FXYD6: variants seen among roughly 807,000 people sequenced by gnomAD.
The protein encoded by FXYD6 is FXYD domain containing ion transport regulator 6.
In FXYD6, 7 loss-of-function variants were observed where a neutral mutation model predicts 16.7. The ratio of observed to expected loss-of-function variants is 0.42; its 90% CI spans 0.24 to 0.79. FXYD6 has a LOEUF of 0.79. FXYD6 is among the 30% of genes least tolerant of loss of function. The pLI is 0.28. For missense variants in FXYD6, 111 were observed against 116.2 expected (o/e 0.95, Z 0.21); for synonymous variants, 49 against 43.0 (o/e 1.14, Z -0.54).
intron 1 of FXYD6, among the ~76,000 whole-genome samples, chr11:117,874,321 C>T (rs371954288): frequency 2.0e-5 from 3 of 152,216 alleles, no homozygotes; most frequent in Non-Finnish European, 4.4e-5. Context: ...TTCCCCCAGG[C>T]GCCTACCGTC....
At chr11:117,851,924 G>T (rs528448391) in intron 1 of FXYD6, among the ~76,000 whole-genome samples, 4 of 152,356 alleles carry the variant, frequency 2.6e-5, no homozygotes, top group Non-Finnish European at 5.9e-5. Flanking sequence ...GCTCTCAGAT[G>T]ATGGTGTTAT....
At chr11:117,856,249 CTAT>C (rs1369814051) in intron 1 of FXYD6, among the ~76,000 whole-genome samples, 1 of 151,634 alleles carries the variant, frequency 6.6e-6, no homozygotes, top group Non-Finnish European at 1.5e-5. Flanking sequence ...GCAACATGCT[CTAT>C]TATTTTTGAT....
At chr11:117,866,476 C>G (rs746126776) in intron 1 of FXYD6, among the ~76,000 whole-genome samples, 6 of 152,178 alleles carry the variant, frequency 3.9e-5, no homozygotes, top group Non-Finnish European at 7.3e-5. Context: ...TGCATTATCC[C>G]CTTTTTCCGC....
chr11:117,868,713 TA>T (rs1306724337), intron 1 of FXYD6, among the ~76,000 whole-genome samples: 2 of 152,164 alleles, frequency 1.3e-5, no homozygotes, highest in Non-Finnish European at 2.9e-5. Context: ...CACCCTAATG[TA>T]AGATCGTAAT....
chr11:117,851,520 C>T (rs572760120), intron 1 of FXYD6, among the ~76,000 whole-genome samples: 6 of 152,356 alleles, frequency 3.9e-5, no homozygotes, highest in Admixed American at 2.6e-4. Context: ...ATTCCATACC[C>T]TCAGAAACTG....
intron 1 of FXYD6, among the ~76,000 whole-genome samples, chr11:117,876,255 G>A (rs1318440561): frequency 6.6e-6 from 1 of 152,110 alleles, no homozygotes; most frequent in East Asian, 1.9e-4. Flanking sequence ...CATGGATAAA[G>A]GGTGGGCGCA....
intron 1 of FXYD6, among the ~76,000 whole-genome samples, chr11:117,851,687 A>G (rs775094047): frequency 1.3e-5 from 2 of 152,242 alleles, no homozygotes; most frequent in Non-Finnish European, 2.9e-5. Flanking sequence ...TTCCTAAAGA[A>G]CATCTTTCAA....
intron 1 of FXYD6, among the ~76,000 whole-genome samples, chr11:117,856,012 G>A (rs1291161265): frequency 6.6e-6 from 1 of 152,024 alleles, no homozygotes; most frequent in Non-Finnish European, 1.5e-5. Flanking sequence ...TCCTTTCTGT[G>A]CTCTTGTTTA....
intron 1 of FXYD6, among the ~76,000 whole-genome samples, chr11:117,856,395 C>G (rs7931266): frequency 0.21 from 32,236 of 152,102 alleles, 4,469 homozygotes; most frequent in Admixed American, 0.36. Context: ...CCTCCCTCCC[C>G]CTGCTCCCGA....
At position 117,838,002 on chromosome 11, in the gene FXYD6, CAAGT is replaced by C. The variant is rs377459196; in HGVS notation, c.*293_*296del. On this transcript the variant is annotated 3_prime_UTR_variant, in exon 8 of 8. Transcript: ENST00000526014. ...TAACAAACACAATACCATCCACAAACAAGTAGCCACAAAGACCACAGTTAGCAAA... is the reference window on the plus strand; with the variant it reads ...TAACAAACACAATACCATCCACAAACAGCCACAAAGACCACAGTTAGCAAA... 7.3e-4 allele frequency: 439 copies of C among 599,484 alleles called. 3 individuals carry two copies. The East Asian group carries it at 0.011, about 15-fold the overall frequency. The allele number at this position is 599,484 out of a possible 1,614,324, so 37.1% of individuals were successfully genotyped here.
intron 4 of FXYD6, 99 bp downstream of exon 4, chr11:117,841,692 C>T (rs2134135334): frequency 7.1e-7 from 1 of 1,408,052 alleles, no homozygotes; most frequent in South Asian, 1.2e-5. Context: ...GCCTCCTTTC[C>T]TCTCCAGGAG....
At position 117,870,919 on chromosome 11, in the gene FXYD6, CAATA is replaced by C. The variant is rs1307742365; in HGVS notation, c.-6+5669_-6+5672del. Among the ~76,000 whole-genome samples, 3 of 152,130 alleles carry C rather than the reference CAATA, an allele frequency of 2.0e-5. No individual in the cohort carries two copies. Among genetic ancestry groups the C allele is most frequent in the African/African-American group, 7.2e-5 (3 of 41,414 alleles). ...CCTGGCACTGAGCACAGCAGCTGCT[CAATA>C]AATGTTGATGTGTGAATGAAAGGAC... On this transcript the variant is annotated intron_variant, in intron 1 of 7. Coordinates refer to ENST00000526014, the MANE Select transcript of FXYD6 (RefSeq NM_022003.4). The surrounding 1 kb of genome is among the most constrained non-coding windows in gnomAD (Gnocchi z 4.2).
At position 117,858,631 on chromosome 11, in the gene FXYD6, TTTTCTTTCTTTCTTTCTTTCTTTC is replaced by T. The variant is rs758256700; in HGVS notation, c.-5-15874_-5-15851del. ...AGAGTCGATTCTGCTTCATTTTCTTTTTTCTTTCTTTCTTTCTTTCTTTCTTTCTTTCTTTCTTTCTTTCTTTCT... is the reference window on the plus strand; with the variant it reads ...AGAGTCGATTCTGCTTCATTTTCTTTTTTCTTTCTTTCTTTCTTTCTTTCT... On this transcript the variant is annotated intron_variant, in intron 1 of 7. Coordinates refer to ENST00000526014, the MANE Select transcript of FXYD6 (RefSeq NM_022003.4). Among the ~76,000 whole-genome samples the T allele has an allele frequency of 3.4e-3, 362 of 106,748 alleles. 2 individuals carry two copies. The highest frequency in any genetic ancestry group is 9.3e-3 in the Middle Eastern group (2 of 214). 70.0% of individuals were successfully genotyped at this position (106,748 alleles called of 152,430 possible).
Position 117,839,815 on chromosome 11 carries a change from T to A in FXYD6, c.275A>T (p.Lys92Ile). The A allele has an allele frequency of 6.2e-7, 1 of 1,614,202 alleles. No homozygotes were observed. Among genetic ancestry groups the A allele is most frequent in the Non-Finnish European group, 8.5e-7 (1 of 1,180,030 alleles). ...LITANATEPQ[K>I]AEN ...GATGGCTGCACTTCAGTTCTCTGCTTTCTGGGGCTCTGTTGCTGGAAAGAA... is the reference window on the plus strand; with the variant it reads ...GATGGCTGCACTTCAGTTCTCTGCTATCTGGGGCTCTGTTGCTGGAAAGAA... Residue 92 changes from lysine to isoleucine, a missense_variant, in exon 7 of 8, where the codon AAA (lysine) becomes ATA (isoleucine). Physicochemically the swap from Lys to Ile is moderately radical, Grantham distance 102. Transcript: ENST00000526014.
intron 1 of FXYD6, among the ~76,000 whole-genome samples, chr11:117,868,195 C>A (rs920013299): frequency 1.3e-5 from 2 of 152,050 alleles, no homozygotes; most frequent in African/African-American, 2.4e-5. Context: ...TGAGGACGGC[C>A]GAAAGTGCTG....
At chr11:117,840,814 G>C (rs1183251696) in intron 5 of FXYD6, among the ~76,000 whole-genome samples, 1 of 152,086 alleles carries the variant, frequency 6.6e-6, no homozygotes, top group Non-Finnish European at 1.5e-5. Context: ...GAGGACCTGG[G>C]CATCTAGAGA....
chr11:117,869,454 G>C (rs1368717255), intron 1 of FXYD6, among the ~76,000 whole-genome samples: 1 of 152,162 alleles, frequency 6.6e-6, no homozygotes, highest in African/African-American at 2.4e-5. Flanking sequence ...CATGGAAGAG[G>C]GGCACTCCCA....
chr11:117,837,894 G>A lies in FXYD6; in HGVS notation c.*405C>T, dbSNP rs913550320. On this transcript the variant is annotated 3_prime_UTR_variant, in exon 8 of 8. Transcript: ENST00000526014. This position sits in a 1 kb window ranked among gnomAD's most constrained non-coding sequence, Gnocchi z 4.4. ...AACAAGCAGCCTCCTAGGAGCAGAA[G>A]GTGATGGAGGGCCACGGGGGCAGGG... The A allele has an allele frequency of 1.6e-5, 6 of 369,808 alleles. No individual in the cohort carries two copies. Among genetic ancestry groups the A allele is most frequent in the African/African-American group, 1.0e-4 (5 of 49,022 alleles). 22.9% of individuals were successfully genotyped at this position (369,808 alleles called of 1,614,324 possible).
intron 1 of FXYD6, among the ~76,000 whole-genome samples, chr11:117,843,020 G>A (rs997383719): frequency 6.6e-6 from 1 of 151,592 alleles, no homozygotes; most frequent in Non-Finnish European, 1.5e-5. Context: ...TGCAACCTCC[G>A]CCTCCCAGGT....
Sources: allele counts gnomAD v4.1 joint callset (sites outside exome capture counted in the v4.1 genomes callset), GRCh38; gene constraint gnomAD v4.1.1; non-coding constraint Gnocchi (gnomAD v3.1); transcripts MANE v1.5; gene names NCBI Gene and HGNC (gene_info 2026-07-23, HGNC 2026-07-21).